Variants in NAV2 observed in about 807,000 individuals in gnomAD.
NAV2 encodes the protein neuron navigator 2.
Under a neutral mutation model 223.2 loss-of-function variants are expected in NAV2, and 54 were observed. The observed-to-expected ratio is 0.24, with a 90% CI of 0.19 to 0.30. The LOEUF is 0.30. NAV2 is among the 10% of genes least tolerant of loss of function. The pLI is 1.00. For synonymous variants in NAV2, 1,279 were observed against 1,239.3 expected, an observed-to-expected ratio of 1.03 and a Z score of -0.67; for missense variants, 2,806 against 3,147.5, an observed-to-expected ratio of 0.89 and a Z score of 2.60.
chr11:19,942,230 C>T (rs564354802), intron 8 of NAV2, among the ~76,000 whole-genome samples: 1 of 152,230 alleles, frequency 6.6e-6, no homozygotes, highest in East Asian at 1.9e-4. Flanking sequence ...TCAGAGGAGG[C>T]ATAATTGGCA....
At chr11:19,626,844 C>T (rs1357995519) in intron 1 of NAV2, among the ~76,000 whole-genome samples, 1 of 152,140 alleles carries the variant, frequency 6.6e-6, no homozygotes, top group Admixed American at 6.5e-5. Context: ...CTTTTATGAG[C>T]TGTGTGTCCC....
At chr11:19,635,918 AG>A (rs1179005167) in intron 1 of NAV2, among the ~76,000 whole-genome samples, 1 of 152,200 alleles carries the variant, frequency 6.6e-6, no homozygotes, top group Non-Finnish European at 1.5e-5. Flanking sequence ...TGGAAGGAAG[AG>A]GGGGGTGTTA....
intron 1 of NAV2, among the ~76,000 whole-genome samples, chr11:19,356,357 A>T (rs1329568208): frequency 6.6e-6 from 1 of 152,184 alleles, no homozygotes; most frequent in African/African-American, 2.4e-5. Context: ...ATTAGTCTTC[A>T]TTCATTCATT....
intron 1 of NAV2, among the ~76,000 whole-genome samples, chr11:19,692,370 G>A (rs2049202377): frequency 6.6e-6 from 1 of 152,278 alleles, no homozygotes; most frequent in Non-Finnish European, 1.5e-5. Flanking sequence ...CCAAATGTAT[G>A]TTTTTGCTTG....
chr11:19,350,555 A>G (rs1203694231), upstream of NAV2, among the ~76,000 whole-genome samples: 1 of 152,214 alleles, frequency 6.6e-6, no homozygotes, highest in Non-Finnish European at 1.5e-5. Flanking sequence ...GCCCATTTAC[A>G]TTGTTATTGA....
intron 1 of NAV2, among the ~76,000 whole-genome samples, chr11:19,400,774 G>A (rs10766549): frequency 0.35 from 52,925 of 151,744 alleles, 9,618 homozygotes; most frequent in Admixed American, 0.4. Flanking sequence ...GATAGCTGCT[G>A]CTATTATAAT....
chr11:19,618,392 GGATGAATA>G lies in NAV2; in HGVS notation c.76-214087_76-214080del, dbSNP rs1174935713. Among the ~76,000 whole-genome samples, 164 of 101,812 alleles carry G rather than the reference GGATGAATA, an allele frequency of 1.6e-3. 2 individuals are homozygous for G. Among genetic ancestry groups the G allele is most frequent in the African/African-American group, 6.0e-3 (150 of 25,020 alleles). 66.8% of individuals were successfully genotyped at this position (101,812 alleles called of 152,430 possible). A position where few individuals can be genotyped will look rare whatever the true frequency, so the allele number is the denominator to read the frequency against. On this transcript the variant is annotated intron_variant, in intron 1 of 37. Coordinates refer to the NAV2 transcript ENST00000360655. The stretch of plus-strand genomic sequence containing the variant: ...TGGATGGATGGATGGATGGATGGAT[GGATGAATA>G]GATGGATGGATGGATGGATGGATGG...
chr11:19,497,332 T>G (rs1401063264), intron 1 of NAV2, among the ~76,000 whole-genome samples: 1 of 152,220 alleles, frequency 6.6e-6, no homozygotes, highest in African/African-American at 2.4e-5. Flanking sequence ...AAACATAGTC[T>G]GGTGTATAGT....
At chr11:19,927,767 A>G (rs1214613640) in intron 6 of NAV2, among the ~76,000 whole-genome samples, 1 of 152,224 alleles carries the variant, frequency 6.6e-6, no homozygotes, top group East Asian at 1.9e-4. Context: ...AGACTAGAGT[A>G]GCATATATCA....
intron 1 of NAV2, among the ~76,000 whole-genome samples, chr11:19,603,631 CAAA>C (rs1222524445): frequency 9.7e-4 from 56 of 57,726 alleles, no homozygotes; most frequent in Non-Finnish European, 1.8e-3. Context: ...GACTCCATCT[CAAA>C]AAAAAAAAAA....
At chr11:19,512,654 A>G (rs2043315273) in intron 1 of NAV2, among the ~76,000 whole-genome samples, 1 of 152,248 alleles carries the variant, frequency 6.6e-6, no homozygotes. Context: ...ACTCGGGACC[A>G]GGTGGAAGCC....
chr11:20,024,209 C>A (rs1025650264), intron 11 of NAV2, among the ~76,000 whole-genome samples: 27 of 152,176 alleles, frequency 1.8e-4, no homozygotes, highest in African/African-American at 6.5e-4. Flanking sequence ...CTGGGCTTCT[C>A]GGATTCAGCT....
intron 1 of NAV2, among the ~76,000 whole-genome samples, chr11:19,674,778 C>A (rs1489526430): frequency 6.6e-6 from 1 of 152,204 alleles, no homozygotes; most frequent in Non-Finnish European, 1.5e-5. Flanking sequence ...TTCCTGGCCT[C>A]TTGTTTGACC....
At chr11:19,386,373 CTG>C (rs2133176284) in intron 1 of NAV2, among the ~76,000 whole-genome samples, 1 of 152,156 alleles carries the variant, frequency 6.6e-6, no homozygotes, top group Non-Finnish European at 1.5e-5. Flanking sequence ...TTCTAAGACT[CTG>C]TTTTTTCCTG....
intron 22 of NAV2, among the ~76,000 whole-genome samples, chr11:20,074,760 C>CCTT (rs56895607): frequency 6.7e-4 from 74 of 110,218 alleles, no homozygotes; most frequent in Admixed American, 1.4e-3. Flanking sequence ...TGCAACTCTG[C>CCTT]TTTTTTTTTT....
chr11:19,377,616 G>A (rs1665664991), intron 1 of NAV2, among the ~76,000 whole-genome samples: 1 of 152,170 alleles, frequency 6.6e-6, no homozygotes, highest in South Asian at 2.1e-4. Context: ...GAATATATGA[G>A]GGGGAATTGT....
chr11:19,450,881 C>G (rs1158871298), intron 1 of NAV2, among the ~76,000 whole-genome samples: 7 of 152,132 alleles, frequency 4.6e-5, no homozygotes, highest in African/African-American at 1.7e-4. Context: ...ATTGAAGCCA[C>G]CTGTGCATTA....
chr11:19,406,085 A>G (rs1398778355), intron 1 of NAV2, among the ~76,000 whole-genome samples: 2 of 152,210 alleles, frequency 1.3e-5, no homozygotes, highest in African/African-American at 4.8e-5. Context: ...CCTGGTAGGT[A>G]GGGAGAGGTG....
intron 1 of NAV2, among the ~76,000 whole-genome samples, chr11:19,680,355 C>T (rs957650176): frequency 5.9e-5 from 9 of 152,216 alleles, no homozygotes; most frequent in Non-Finnish European, 7.3e-5. Flanking sequence ...TGTCGCCTCC[C>T]GCCAGTTTCC....
Sources: gnomAD v4.1 joint callset for allele counts (sites outside exome capture counted in the v4.1 genomes callset) on GRCh38, gnomAD v4.1.1 for gene constraint, MANE v1.5 for transcripts, NCBI Gene and HGNC (gene_info 2026-07-23, HGNC 2026-07-21) for gene names.